Variants in DNAH9 observed in about 807,000 individuals in gnomAD.
DNAH9 encodes dynein axonemal heavy chain 9.
Under a neutral mutation model 471.6 loss-of-function variants are expected in DNAH9, and 345 were observed. The observed-to-expected ratio is 0.73, with a 90% CI of 0.67 to 0.80. DNAH9 has a LOEUF of 0.80. Among genes scored for constraint, DNAH9 ranks in the 30% least tolerant of loss-of-function variants. The pLI, the probability that DNAH9 is intolerant of heterozygous loss-of-function variation, is 0.00. For missense variants in DNAH9, 5,407 were observed against 5,609.2 expected (o/e 0.96, Z 1.15); for synonymous variants, 2,093 against 2,123.6 (o/e 0.99, Z 0.40).
intron 42 of DNAH9, among the ~76,000 whole-genome samples, chr17:11,795,934 T>G (rs1270126485): frequency 1.6e-4 from 24 of 152,296 alleles, no homozygotes. Flanking sequence ...AAGGAAAAGT[T>G]GCCAGATTTT....
rs866453508 is a variant in DNAH9 at position 11,640,286 on chromosome 17, C to T, written c.1803C>T (p.His601=). 6.2e-7 allele frequency: 1 copy of T among 1,613,274 alleles called. No homozygotes were observed. The highest frequency in any genetic ancestry group is 1.7e-4 in the Middle Eastern group (1 of 6,056). The change falls in exon 10 of 69, where the codon CAC becomes CAT. Residue 601 remains histidine, a synonymous_variant. Coordinates refer to ENST00000262442, the MANE Select transcript of DNAH9 (RefSeq NM_001372.4). ...EEAELGFSPV[H]KNMPTVAGGL... is the part of the protein sequence containing the mutation. ...TGTCTCCAGGGTTCTCCCCGGTGCA[C>T]AAGAACATGCCCACCGTGGCTGGCG...
chr17:11,756,429 G>T (rs1401764306), intron 33 of DNAH9, 139 bp from the exon 34 acceptor site: 1 of 649,758 alleles, frequency 1.5e-6, no homozygotes, highest in East Asian at 2.6e-5. Flanking sequence ...TGAGATTTGG[G>T]TGGGGACACA....
At position 11,610,514 on chromosome 17, in the gene DNAH9, A is replaced by G; in HGVS notation, c.733A>G (p.Asn245Asp). Residue 245 changes from asparagine (N) to aspartate (D), a missense_variant, in exon 3 of 69, where the codon AAT becomes GAT. This residue lies in a region of DNAH9 where 767 missense variants were observed against 692.5 expected (regional missense o/e 1.11). Transcript: ENST00000262442. The part of the protein sequence containing the change: ...ESSQPLLQGE[N>D]PTPKVELEFW... ...TTCCCAGCCACTCTTACAAGGGGAG[A>G]ATCCCACCCCTAAGGTGGAGTTGGA... is the stretch of plus-strand genomic sequence containing the variant. 6.2e-7 allele frequency: 1 copy of G among 1,613,198 alleles called. No homozygotes were observed. Among genetic ancestry groups the G allele is most frequent in the Non-Finnish European group, 8.5e-7 (1 of 1,179,960 alleles).
intron 14 of DNAH9, among the ~76,000 whole-genome samples, chr17:11,655,351 GGTGTGTGTGTGT>G (rs144975414): frequency 2.4e-4 from 35 of 147,532 alleles, no homozygotes; most frequent in South Asian, 1.3e-3. Flanking sequence ...AGCATTCCAT[GGTGTGTGTGTGT>G]GTGTGTGTGT....
At chr17:11,721,281 T>C (rs907686216) in intron 27 of DNAH9, among the ~76,000 whole-genome samples, 2 of 152,172 alleles carry the variant, frequency 1.3e-5, no homozygotes, top group African/African-American at 4.8e-5. Context: ...TTTTTTGTTT[T>C]GTTTTTTGTT....
chr17:11,908,676 C>T (rs558689134), intron 61 of DNAH9, among the ~76,000 whole-genome samples: 48 of 152,298 alleles, frequency 3.2e-4, no homozygotes, highest in African/African-American at 1.1e-3. Flanking sequence ...AACGAAGTAA[C>T]ATCTAACATC....
At chr17:11,805,186 G>A (rs147247565) in intron 43 of DNAH9, among the ~76,000 whole-genome samples, 1 of 152,232 alleles carries the variant, frequency 6.6e-6, no homozygotes, top group African/African-American at 2.4e-5. Flanking sequence ...AACAACAAAC[G>A]TTTAGTTTAT....
At chr17:11,785,393 CAATGACAGCACAT>C (rs1968829476) in intron 41 of DNAH9, among the ~76,000 whole-genome samples, 1 of 152,140 alleles carries the variant, frequency 6.6e-6, no homozygotes, top group Non-Finnish European at 1.5e-5. Context: ...CACCACCTTC[CAATGACAGCACAT>C]GTAATTGTAA....
rs568981338 is a variant in DNAH9, at chr17:11,670,355, C to A, written c.3353+561C>A. Among the ~76,000 whole-genome samples the A allele has an allele frequency of 4.6e-5, 7 of 152,308 alleles. No individual in the cohort carries two copies. In the South Asian group the frequency reaches 1.5e-3, roughly 32 times the overall value. ...GAGCATCATCCTCTGAATGAATAAT[C>A]CATGTAGTCAACAGTCCCCCGGTCA... On this transcript the variant is annotated intron_variant, in intron 17 of 68. Transcript: ENST00000262442.
chr17:11,645,363 C>T (rs1420022379), intron 11 of DNAH9, among the ~76,000 whole-genome samples: 1 of 152,204 alleles, frequency 6.6e-6, no homozygotes, highest in Admixed American at 6.5e-5. Flanking sequence ...AACTTCAAGT[C>T]CATCCACTCC....
intron 26 of DNAH9, among the ~76,000 whole-genome samples, chr17:11,710,627 C>T (rs2074812258): frequency 6.6e-6 from 1 of 152,100 alleles, no homozygotes; most frequent in African/African-American, 2.4e-5. Context: ...ATTTTCTTCT[C>T]CTGTTAATTA....
At chr17:11,933,641 A>G (rs1974594061) in intron 64 of DNAH9, among the ~76,000 whole-genome samples, 1 of 151,984 alleles carries the variant, frequency 6.6e-6, no homozygotes, top group African/African-American at 2.4e-5. Flanking sequence ...CGGCCTCCCA[A>G]AGTGCTGGAA....
chr17:11,755,830 C>T (rs1438739411), intron 33 of DNAH9, among the ~76,000 whole-genome samples: 1 of 152,022 alleles, frequency 6.6e-6, no homozygotes, highest in Non-Finnish European at 1.5e-5. Context: ...AAAGACATAC[C>T]AGAGACTGGG....
intron 39 of DNAH9, among the ~76,000 whole-genome samples, chr17:11,782,649 C>A: frequency 6.6e-6 from 1 of 152,216 alleles, no homozygotes; most frequent in South Asian, 2.1e-4. Flanking sequence ...GTAATCCCAG[C>A]ACTTTGGGAG....
chr17:11,704,334 C>T lies in DNAH9; in HGVS notation c.5283C>T (p.Ile1761=), dbSNP rs1168146945. The T allele has an allele frequency of 2.5e-6, 4 of 1,614,050 alleles. No homozygotes were observed. In the African/African-American group the frequency reaches 4.0e-5, roughly 16 times the overall value. Residue 1761 remains isoleucine (I), a synonymous_variant, in exon 25 of 69, where the codon ATC becomes ATT. Transcript: ENST00000262442. ...KKQVAQLKTL[I]TMLIGQLSKG... ...AAGTGGCCCAGCTCAAAACCCTTAT[C>T]ACCATGCTGATTGGCCAGCTCTCCA...
In DNAH9 at chr17:11,629,573, C is replaced by G. The variant is rs1213264868; in HGVS notation, c.1507C>G (p.Leu503Val). 1 of 1,613,440 alleles carries G rather than the reference C, an allele frequency of 6.2e-7. No homozygotes were observed. The highest frequency in any genetic ancestry group is 1.1e-5 in the South Asian group (1 of 91,026). The change falls in exon 7 of 69, where the codon CTC (leucine) becomes GTC (valine). Residue 503 changes from leucine (L) to valine (V), a missense_variant. Leu to Val is a conservative substitution (Grantham distance 32). This residue lies in a region of DNAH9 where 767 missense variants were observed against 692.5 expected (regional missense o/e 1.11). Transcript: ENST00000262442. ...LSGSSSDCLY[L>V]QSTDFENDVS... ...AGGATCCTCCTCCGACTGCCTGTAC[C>G]TCCAAAGCACGGTAGGGTTGGGAAG... is the stretch of plus-strand genomic sequence containing the variant.
chr17:11,898,346 C>G (rs952955452), intron 59 of DNAH9, among the ~76,000 whole-genome samples: 12 of 152,190 alleles, frequency 7.9e-5, no homozygotes, highest in African/African-American at 2.9e-4. Flanking sequence ...TGGTCTCAAT[C>G]TCTTGACCTC....
At chr17:11,884,633 A>G (rs1351880642) in intron 56 of DNAH9, 1 of 451,798 alleles carries the variant, frequency 2.2e-6, no homozygotes, top group African/African-American at 2.0e-5. Flanking sequence ...AAACCAGGTC[A>G]TACCCACTCT....
chr17:11,807,915 A>T (rs749612328), intron 44 of DNAH9, 21 bp downstream of exon 44: 1 of 1,587,144 alleles, frequency 6.3e-7, no homozygotes, highest in Non-Finnish European at 8.6e-7. Flanking sequence ...AGGCAGCTGC[A>T]GGGAGGAGGC....
Sources: allele counts gnomAD v4.1 joint callset (sites outside exome capture counted in the v4.1 genomes callset), GRCh38; gene constraint gnomAD v4.1.1; regional missense constraint gnomAD v4.1.1; transcripts MANE v1.5; gene names NCBI Gene and HGNC (gene_info 2026-07-23, HGNC 2026-07-21).